The following SPTB variants were observed in gnomAD, a reference collection of about 807,000 sequenced individuals.
SPTB encodes the protein spectrin beta chain, erythrocytic.
Under a neutral mutation model 256.2 loss-of-function variants are expected in SPTB, and 45 were observed. The ratio of observed to expected loss-of-function variants is 0.18; its 90% CI spans 0.14 to 0.23. The LOEUF is 0.23. Among genes scored for constraint, SPTB ranks in the 10% least tolerant of loss-of-function variants. The probability of loss-of-function intolerance (pLI) is 1.00; values close to 1 mark genes in which losing one functional copy is unlikely to be tolerated. For missense variants in SPTB, 2,715 were observed against 3,040.4 expected, an observed-to-expected ratio of 0.89 and a Z score of 2.52; for synonymous variants, 1,231 against 1,243.1, an observed-to-expected ratio of 0.99 and a Z score of 0.21.
Position 64,746,940 on chromosome 14 carries a change from G to C in SPTB, c.*2366C>G, listed in dbSNP as rs751966336. On this transcript the variant is annotated 3_prime_UTR_variant, in exon 36 of 36. Coordinates refer to ENST00000644917, the MANE Select transcript of SPTB (RefSeq NM_001355436.2). This position sits in a 1 kb window ranked among gnomAD's most constrained non-coding sequence, Gnocchi z 4.9. ...AGGGCACTGGGAGAGCTTAGCCCTGGTGTGGCACACACAGGGTCTCCCAAA... is the reference window on the plus strand; with the variant it reads ...AGGGCACTGGGAGAGCTTAGCCCTGCTGTGGCACACACAGGGTCTCCCAAA... The C allele has an allele frequency of 5.2e-5, 8 of 152,632 alleles. No individual in the cohort carries two copies. The highest frequency in any genetic ancestry group is 1.2e-4 in the Non-Finnish European group (8 of 68,056). 9.5% of individuals were successfully genotyped at this position (152,632 alleles called of 1,614,324 possible).
At chr14:64,855,505 T>TTTA (rs887399536) in intron 1 of SPTB, among the ~76,000 whole-genome samples, 11 of 152,226 alleles carry the variant, frequency 7.2e-5, no homozygotes, top group African/African-American at 1.7e-4. Flanking sequence ...ACTTAATTTT[T>TTTA]TTATTATTAT....
chr14:64,801,897 C>A, intron 5 of SPTB, 63 bp from the exon 6 acceptor site: 1 of 1,476,038 alleles, frequency 6.8e-7, no homozygotes, highest in Non-Finnish European at 9.5e-7. Flanking sequence ...AACAAGTGTA[C>A]AAATTGAGGG....
chr14:64,749,986 C>T lies in SPTB; in HGVS notation c.6771G>A (p.Lys2257=). 6.2e-7 allele frequency: 1 copy of T among 1,614,238 alleles called. No individual in the cohort carries two copies. Residue 2257 remains lysine, a synonymous_variant, in exon 34 of 36, where the codon AAG becomes AAA. Transcript: ENST00000644917. The surrounding 1 kb of genome is among the most constrained non-coding windows in gnomAD (Gnocchi z 4.7). The part of the protein sequence containing the change: ...ANYKKKKHVF[K]LRLSNGSEWL... ...AAAGGCCAGGAAGGCCTCACCTCAGCTTAAAGACGTGCTTCTTCTTCTTGT... is the reference window on the plus strand; with the variant it reads ...AAAGGCCAGGAAGGCCTCACCTCAGTTTAAAGACGTGCTTCTTCTTCTTGT...
chr14:64,854,190 T>TCAAAAGAAAA (rs2083832915), intron 1 of SPTB, among the ~76,000 whole-genome samples: 1 of 143,696 alleles, frequency 7.0e-6, no homozygotes, highest in South Asian at 2.4e-4. Flanking sequence ...AGACTCCGCC[T>TCAAAAGAAAA]CAAAACAAAA....
chr14:64,769,814 C>G lies in SPTB; in HGVS notation c.5799-86G>C, dbSNP rs1389082569. The stretch of plus-strand genomic sequence containing the variant: ...TCCCAACCAGAGGGGCCCACCTCCC[C>G]CTGCCTGTGGGAGTGTGACCGTGCT... On this transcript the variant is annotated intron_variant, in intron 27 of 35. Coordinates refer to ENST00000644917, the MANE Select transcript of SPTB (RefSeq NM_001355436.2). The G allele has an allele frequency of 3.2e-6, 5 of 1,578,874 alleles. No homozygotes were observed. The East Asian group carries it at 1.1e-4, about 35-fold the overall frequency.
At chr14:64,767,227 A>G in intron 31 of SPTB, 76 bp downstream of exon 31, 1 of 1,578,628 alleles carries the variant, frequency 6.3e-7, no homozygotes, top group Non-Finnish European at 8.7e-7. Flanking sequence ...TCCCAATGTC[A>G]GGTTTCTGAT....
At chr14:64,877,887 C>T (rs962656055) in intron 1 of SPTB, among the ~76,000 whole-genome samples, 10 of 152,296 alleles carry the variant, frequency 6.6e-5, no homozygotes, top group African/African-American at 1.9e-4. Context: ...ATCTAGCAGG[C>T]GTTCTGCTAT....
intron 32 of SPTB, chr14:64,754,013 A>G: frequency 1.5e-6 from 1 of 653,018 alleles, no homozygotes; most frequent in Non-Finnish European, 2.7e-6. Flanking sequence ...TTTCCACCCC[A>G]TTCTCCCTTC....
chr14:64,795,516 C>G lies in SPTB; in HGVS notation c.1465G>C (p.Glu489Gln), dbSNP rs762902447. Residue 489 changes from glutamate to glutamine, a missense_variant, in exon 12 of 36, where the codon GAG becomes CAG. Physicochemically the swap from Glu to Gln is conservative, Grantham distance 29 (BLOSUM62 2). Around this residue, in one of 4 missense-constraint regions of SPTB, gnomAD observed 416 missense variants for 571.1 expected, o/e 0.73. Coordinates refer to ENST00000644917, the MANE Select transcript of SPTB (RefSeq NM_001355436.2). The surrounding 1 kb of genome is among the most constrained non-coding windows in gnomAD (Gnocchi z 6.5). The stretch of plus-strand genomic sequence containing the variant: ...TTCTGGTCATGGTAGTTCTCTTTCT[C>G]CAGCTCCTGAGCCAGGTCCTCCAGG... ...RALEDLAQEL[E>Q]KENYHDQKRI... is the part of the protein sequence containing the mutation. 2 of 1,614,150 alleles carry G rather than the reference C, an allele frequency of 1.2e-6. No homozygotes were observed. Among genetic ancestry groups the G allele is most frequent in the South Asian group, 2.2e-5 (2 of 91,058 alleles).
intron 1 of SPTB, among the ~76,000 whole-genome samples, chr14:64,872,187 C>A (rs556048873): frequency 6.6e-6 from 1 of 152,252 alleles, no homozygotes; most frequent in South Asian, 2.1e-4. Flanking sequence ...TAAAATACAT[C>A]ACCATCTCAG....
In SPTB at chr14:64,779,872, C is replaced by T. The variant is rs2082432737; in HGVS notation, c.4326G>A (p.Val1442=). The T allele has an allele frequency of 6.2e-7, 1 of 1,614,122 alleles. No individual in the cohort carries two copies. Among genetic ancestry groups the T allele is most frequent in the Non-Finnish European group, 8.5e-7 (1 of 1,180,014 alleles). The change falls in exon 21 of 36, where the codon GTG becomes GTA. Residue 1442 remains valine, a synonymous_variant. Coordinates refer to ENST00000644917, the MANE Select transcript of SPTB (RefSeq NM_001355436.2). The surrounding 1 kb of genome is among the most constrained non-coding windows in gnomAD (Gnocchi z 4.2). ...KEELGELFAQ[V]PSMGEEGGDA... Reference sequence around the variant, plus strand: ...CTCCTCCCTCCTCTCCCATTGAAGGCACCTGGGCAAACAGCTCCCCCAGCT... The same window carrying T: ...CTCCTCCCTCCTCTCCCATTGAAGGTACCTGGGCAAACAGCTCCCCCAGCT...
At position 64,854,835 on chromosome 14, in the gene SPTB, T is replaced by C. The variant is rs569590081; in HGVS notation, c.-52+24957A>G. On this transcript the variant is annotated intron_variant, in intron 1 of 35. Coordinates refer to ENST00000644917, the MANE Select transcript of SPTB (RefSeq NM_001355436.2). ...AACTGAGAAACTTGGTATTATTTCC[T>C]GGTGAACAAAGTAGTAGTGCTACCT... is the stretch of plus-strand genomic sequence containing the variant. 5.9e-5 allele frequency among the ~76,000 whole-genome samples: 9 copies of C among 152,290 alleles called. No homozygotes were observed. In the South Asian group the frequency reaches 1.0e-3, roughly 18 times the overall value.
rs1594762709 is a variant in SPTB, at chr14:64,775,464, A to T, written c.4564-61T>A. 1 of 1,567,564 alleles carries T rather than the reference A, an allele frequency of 6.4e-7. No homozygotes were observed. Among genetic ancestry groups the T allele is most frequent in the Admixed American group, 1.8e-5 (1 of 56,482 alleles). On this transcript the variant is annotated intron_variant, in intron 22 of 35. Transcript: ENST00000644917. The surrounding 1 kb of genome is among the most constrained non-coding windows in gnomAD (Gnocchi z 5.0). ...CCCACCATGCGGGGGAGGCTGCTTC[A>T]GCAGTGGCAGCACAGCTCTGACACC...
At chr14:64,822,374 T>TCTCTCACACACACA in intron 2 of SPTB, among the ~76,000 whole-genome samples, 1 of 1,016 alleles carries the variant, frequency 9.8e-4, no homozygotes, top group African/African-American at 4.5e-3. Context: ...TCTCTCTCTC[T>TCTCTCACACACACA]CACACACACA....
chr14:64,822,733 C>T (rs924459156), intron 2 of SPTB, among the ~76,000 whole-genome samples: 5 of 152,200 alleles, frequency 3.3e-5, no homozygotes, highest in Non-Finnish European at 5.9e-5. Context: ...GTCCCAGCTC[C>T]AGCACCTCCT....
Position 64,767,752 on chromosome 14 carries a change from C to T in SPTB, c.6130G>A (p.Val2044Met). 1 of 1,614,202 alleles carries T rather than the reference C, an allele frequency of 6.2e-7. No homozygotes were observed. ...SGDFGHTVDS[V>M]EKLIKRHEAF... Reference sequence around the variant, plus strand: ...TCATGCCTCTTGATGAGCTTCTCCACACTGTCCACTGTGTGTCCAAAGTCC... The same window carrying T: ...TCATGCCTCTTGATGAGCTTCTCCATACTGTCCACTGTGTGTCCAAAGTCC... Residue 2044 changes from valine (V) to methionine (M), a missense_variant, in exon 30 of 36, where the codon GTG (valine) becomes ATG (methionine). Coordinates refer to ENST00000644917, the MANE Select transcript of SPTB (RefSeq NM_001355436.2).
chr14:64,861,794 A>G (rs2083975588), intron 1 of SPTB, among the ~76,000 whole-genome samples: 1 of 152,122 alleles, frequency 6.6e-6, no homozygotes, highest in Non-Finnish European at 1.5e-5. Context: ...TGCTTTCTTG[A>G]GGGTCACTTG....
intron 32 of SPTB, among the ~76,000 whole-genome samples, chr14:64,765,812 G>A (rs2082161749): frequency 6.8e-6 from 1 of 147,108 alleles, no homozygotes; most frequent in Non-Finnish European, 1.5e-5. Flanking sequence ...TGGGGTGTGT[G>A]TGTGTGTGAG....
chr14:64,782,686 A>T (rs2082493367), intron 19 of SPTB, 133 bp from the exon 20 acceptor site: 1 of 1,356,492 alleles, frequency 7.4e-7, no homozygotes, highest in Non-Finnish European at 1.0e-6. Context: ...CATGGGTAAG[A>T]CTCAACTGAA....
Sources: gnomAD v4.1 joint callset for allele counts (sites outside exome capture counted in the v4.1 genomes callset) on GRCh38, gnomAD v4.1.1 for gene constraint, gnomAD v4.1.1 regional missense constraint, Gnocchi (gnomAD v3.1) non-coding constraint, MANE v1.5 for transcripts, NCBI Gene and HGNC (gene_info 2026-07-23, HGNC 2026-07-21) for gene names.